Variants in PRELID2 observed in about 807,000 individuals in gnomAD.
The protein encoded by PRELID2 is PRELI domain containing 2.
In PRELID2, 25 loss-of-function variants were observed where a neutral mutation model predicts 28.4. The observed-to-expected ratio is 0.88, with a 90% confidence interval of 0.64 to 1.23. PRELID2 has a LOEUF of 1.23. Among genes scored for constraint, PRELID2 ranks in the 50% most tolerant of loss-of-function variants. The pLI is 0.00. For missense variants in PRELID2, 201 were observed against 214.4 expected, an observed-to-expected ratio of 0.94 and a Z score of 0.39; for synonymous variants, 76 against 71.6, an observed-to-expected ratio of 1.06 and a Z score of -0.31.
At chr5:145,725,955 G>T (rs182943185) in intron 1 of PRELID2, among the ~76,000 whole-genome samples, 1 of 152,122 alleles carries the variant, frequency 6.6e-6, no homozygotes, top group Non-Finnish European at 1.5e-5. Flanking sequence ...GGCCAAGGCA[G>T]GTAGATCACT....
At chr5:145,656,465 C>A (rs148545638) in intron 1 of PRELID2, among the ~76,000 whole-genome samples, 1 of 151,938 alleles carries the variant, frequency 6.6e-6, no homozygotes, top group Non-Finnish European at 1.5e-5. Flanking sequence ...ATGTTCATTG[C>A]GGCACTATTC....
At chr5:145,719,125 C>T (rs1755919096) in intron 1 of PRELID2, among the ~76,000 whole-genome samples, 1 of 151,916 alleles carries the variant, frequency 6.6e-6, no homozygotes, top group Non-Finnish European at 1.5e-5. Context: ...AGACACAAAC[C>T]TTCAGGATAA....
At chr5:145,832,582 C>T (rs681591) in intron 1 of PRELID2, among the ~76,000 whole-genome samples, 95,360 of 151,664 alleles carry the variant, frequency 0.63, 30,678 homozygotes, top group Middle Eastern at 0.74. Flanking sequence ...CTGTGAGTTT[C>T]GGATCCATGT....
chr5:145,482,831 A>G (rs551771423), intron 1 of PRELID2, among the ~76,000 whole-genome samples: 1 of 151,744 alleles, frequency 6.6e-6, no homozygotes, highest in African/African-American at 2.4e-5. Flanking sequence ...TTCTCATAAG[A>G]CTTATGCAAC....
At chr5:145,782,993 G>C (rs1180894800) in intron 5 of PRELID2, among the ~76,000 whole-genome samples, 1 of 152,228 alleles carries the variant, frequency 6.6e-6, no homozygotes, top group Non-Finnish European at 1.5e-5. Flanking sequence ...GAGCGGCCAA[G>C]ACAGGGCCAG....
At chr5:145,666,601 G>A (rs1020650038) in intron 1 of PRELID2, among the ~76,000 whole-genome samples, 4 of 152,028 alleles carry the variant, frequency 2.6e-5, no homozygotes, top group Non-Finnish European at 5.9e-5. Flanking sequence ...GTGGCACAGC[G>A]CTCAAGGACA....
chr5:145,377,132 A>T, the PRELID2 span, among the ~76,000 whole-genome samples: 2 of 152,092 alleles, frequency 1.3e-5, no homozygotes, highest in Non-Finnish European at 2.9e-5. Context: ...CTTCTGCTTT[A>T]ATTTCATTAT....
intron 5 of PRELID2, among the ~76,000 whole-genome samples, chr5:145,771,667 C>T (rs927715356): frequency 7.2e-5 from 11 of 151,894 alleles, no homozygotes; most frequent in African/African-American, 2.7e-4. Flanking sequence ...ACCAGCCTAA[C>T]CAACATGGAG....
chr5:145,559,051 G>A (rs888183527), intron 1 of PRELID2, among the ~76,000 whole-genome samples: 5 of 152,058 alleles, frequency 3.3e-5, no homozygotes, highest in African/African-American at 4.8e-5. Context: ...TCAGGAGATC[G>A]AGACCATCCT....
intron 1 of PRELID2, among the ~76,000 whole-genome samples, chr5:145,605,291 T>A (rs183750953): frequency 6.6e-6 from 1 of 152,228 alleles, no homozygotes; most frequent in African/African-American, 2.4e-5. Context: ...TCTTCCAGGG[T>A]TTTTATAGCT....
At chr5:145,484,097 A>G (rs1435356344) in intron 1 of PRELID2, among the ~76,000 whole-genome samples, 12 of 152,264 alleles carry the variant, frequency 7.9e-5, no homozygotes, top group Non-Finnish European at 1.5e-4. Context: ...GGGAAGGTTA[A>G]GTGCCACAGG....
At chr5:145,570,076 G>T (rs1285354682) in intron 1 of PRELID2, among the ~76,000 whole-genome samples, 2 of 152,152 alleles carry the variant, frequency 1.3e-5, no homozygotes, top group East Asian at 3.9e-4. Flanking sequence ...TCATCATCCA[G>T]ATCTCTGCCT....
At chr5:145,779,806 G>A (rs1758671416) in intron 5 of PRELID2, among the ~76,000 whole-genome samples, 1 of 152,098 alleles carries the variant, frequency 6.6e-6, no homozygotes, top group Non-Finnish European at 1.5e-5. Context: ...CTATGAGGGA[G>A]GGCACTCTGA....
At chr5:145,560,076 C>A (rs894593883) in intron 1 of PRELID2, among the ~76,000 whole-genome samples, 2 of 152,092 alleles carry the variant, frequency 1.3e-5, no homozygotes, top group Non-Finnish European at 1.5e-5. Flanking sequence ...TAAGACAAAG[C>A]CTATTTTATA....
chr5:145,446,710 A>G, the PRELID2 span, among the ~76,000 whole-genome samples: 57 of 152,092 alleles, frequency 3.7e-4, no homozygotes, highest in East Asian at 0.011. Context: ...GCTTCCATCG[A>G]TTAAAATGGA....
At chr5:145,380,412 G>C in the PRELID2 span, among the ~76,000 whole-genome samples, 13 of 152,236 alleles carry the variant, frequency 8.5e-5, no homozygotes, top group Admixed American at 8.5e-4. Context: ...GATGGGAGCT[G>C]TTTCACCTGG....
chr5:145,398,408 T>C, the PRELID2 span, among the ~76,000 whole-genome samples: 1 of 152,086 alleles, frequency 6.6e-6, no homozygotes, highest in African/African-American at 2.4e-5. Flanking sequence ...GCCAAATCAG[T>C]AACATACCTT....
chr5:145,706,258 A>G (rs375549705), intron 1 of PRELID2, among the ~76,000 whole-genome samples: 1 of 152,182 alleles, frequency 6.6e-6, no homozygotes, highest in African/African-American at 2.4e-5. Context: ...GGAAGCCACA[A>G]CTATGCCACT....
At chr5:145,353,582 G>C in the PRELID2 span, among the ~76,000 whole-genome samples, 2 of 152,140 alleles carry the variant, frequency 1.3e-5, no homozygotes, top group Non-Finnish European at 2.9e-5. Flanking sequence ...TTACAATCAT[G>C]GTGGAAGGGG....
Sources: gnomAD v4.1 joint callset for allele counts (sites outside exome capture counted in the v4.1 genomes callset) on GRCh38, gnomAD v4.1.1 for gene constraint, MANE v1.5 for transcripts, NCBI Gene and HGNC (gene_info 2026-07-23, HGNC 2026-07-21) for gene names.